Variants in APBA2 observed in about 807,000 individuals in gnomAD.
The protein encoded by APBA2 is amyloid beta precursor protein binding family A member 2.
A neutral mutation model predicts 75.0 loss-of-function variants in APBA2; 30 were observed. The ratio of observed to expected loss-of-function variants is 0.40; its 90% confidence interval spans 0.30 to 0.54. The LOEUF (loss-of-function observed/expected upper bound fraction) is 0.54. Among genes scored for constraint, APBA2 ranks in the 20% least tolerant of loss-of-function variants. The pLI, the probability that APBA2 is intolerant of heterozygous loss-of-function variation, is 0.49. For synonymous variants in APBA2, 444 were observed against 409.6 expected (o/e 1.08, Z -1.01); for missense variants, 801 against 1,016.1 (o/e 0.79, Z 2.88).
At chr15:29,008,560 A>G (rs1404714140) in intron 3 of APBA2, among the ~76,000 whole-genome samples, 1 of 152,052 alleles carries the variant, frequency 6.6e-6, no homozygotes, top group Non-Finnish European at 1.5e-5. Flanking sequence ...CCATCTCTAC[A>G]TAGAATTAAA....
At chr15:28,966,346 T>C (rs1204750044) in intron 2 of APBA2, among the ~76,000 whole-genome samples, 2 of 152,194 alleles carry the variant, frequency 1.3e-5, no homozygotes, top group African/African-American at 4.8e-5. Context: ...TGGCAAGATT[T>C]GTTTTTGCTG....
intron 6 of APBA2, among the ~76,000 whole-genome samples, chr15:29,080,296 T>C (rs1424141104): frequency 6.6e-6 from 1 of 152,180 alleles, no homozygotes; most frequent in Non-Finnish European, 1.5e-5. Flanking sequence ...CAGTCTGGAA[T>C]CTGAGCTCAT....
At chr15:29,059,847 T>G (rs1240212568) in intron 4 of APBA2, among the ~76,000 whole-genome samples, 1 of 152,214 alleles carries the variant, frequency 6.6e-6, no homozygotes, top group African/African-American at 2.4e-5. Flanking sequence ...GCTGCAAAGT[T>G]TTTCCCTTCT....
intron 6 of APBA2, among the ~76,000 whole-genome samples, chr15:29,082,446 C>T (rs2152934331): frequency 6.6e-6 from 1 of 152,290 alleles, no homozygotes; most frequent in East Asian, 1.9e-4. Context: ...TAACTACAGA[C>T]ATTTACTCAT....
chr15:29,059,764 G>A (rs2042052791), intron 4 of APBA2, among the ~76,000 whole-genome samples: 1 of 152,136 alleles, frequency 6.6e-6, no homozygotes, highest in Non-Finnish European at 1.5e-5. Flanking sequence ...AGTGCTCAGG[G>A]CAGCTTTACA....
chr15:29,031,226 G>C (rs1049245422), intron 3 of APBA2, among the ~76,000 whole-genome samples: 1 of 152,190 alleles, frequency 6.6e-6, no homozygotes, highest in Non-Finnish European at 1.5e-5. Flanking sequence ...TTTTTCAACA[G>C]ATGGACTAAA....
chr15:28,966,098 C>CTT (rs58795912), intron 2 of APBA2, among the ~76,000 whole-genome samples: 5 of 151,538 alleles, frequency 3.3e-5, no homozygotes, highest in Non-Finnish European at 5.9e-5. Context: ...TTTATTAAGG[C>CTT]TTTTTTTTGT....
chr15:29,062,534 C>T (rs975953166), intron 4 of APBA2, among the ~76,000 whole-genome samples: 3 of 152,114 alleles, frequency 2.0e-5, no homozygotes, highest in African/African-American at 7.2e-5. Context: ...TTGTATGAAG[C>T]CTTTTGATGT....
At position 28,927,402 on chromosome 15, in the gene APBA2, G is replaced by C. The variant is rs920729720; in HGVS notation, c.-95+5653G>C. 3.3e-5 allele frequency among the ~76,000 whole-genome samples: 5 copies of C among 151,574 alleles called. No homozygotes were observed. The South Asian group carries it at 1.0e-3, about 32-fold the overall frequency. ...TATTTGGTGTTCTTTGAGCCTCCAT[G>C]GTCTGTGGCTTGGATCTGTCATTAA... is the stretch of plus-strand genomic sequence containing the variant. On this transcript the variant is annotated intron_variant, in intron 2 of 14. Coordinates refer to ENST00000683413, the MANE Select transcript of APBA2 (RefSeq NM_001353788.2).
intron 1 of APBA2, among the ~76,000 whole-genome samples, chr15:28,901,945 T>TGTGTGTGTGTG (rs546149569): frequency 2.1e-3 from 297 of 140,612 alleles, no homozygotes; most frequent in Non-Finnish European, 2.7e-3. Context: ...TGTGTGTATG[T>TGTGTGTGTGTG]TGGGGGTCTG....
At chr15:29,115,151 T>C (rs1385051494) in intron 14 of APBA2, among the ~76,000 whole-genome samples, 2 of 149,362 alleles carry the variant, frequency 1.3e-5, no homozygotes, top group Non-Finnish European at 3.0e-5. Context: ...GGGCAGGGAA[T>C]TTGGGTCTGG....
At chr15:28,976,419 G>A (rs967345482) in intron 2 of APBA2, among the ~76,000 whole-genome samples, 2 of 152,174 alleles carry the variant, frequency 1.3e-5, no homozygotes, top group African/African-American at 2.4e-5. Flanking sequence ...CCTTCTTGTA[G>A]GGCCATCTCT....
intron 4 of APBA2, among the ~76,000 whole-genome samples, chr15:29,064,871 G>C (rs1006735861): frequency 2.0e-5 from 3 of 152,188 alleles, no homozygotes; most frequent in Admixed American, 1.3e-4. Flanking sequence ...GTGGCCACCT[G>C]TTGGCGGGGT....
chr15:28,983,767 G>A (rs1295914884), intron 2 of APBA2, among the ~76,000 whole-genome samples: 1 of 152,208 alleles, frequency 6.6e-6, no homozygotes, highest in Non-Finnish European at 1.5e-5. Context: ...AGTAGCCCAA[G>A]ACAGAACATT....
chr15:28,932,907 A>G, intron 2 of APBA2, among the ~76,000 whole-genome samples: 1 of 152,096 alleles, frequency 6.6e-6, no homozygotes, highest in East Asian at 1.9e-4. Flanking sequence ...AATACCACAG[A>G]TTGGGTAATT....
chr15:28,914,904 C>T (rs1211959784), intron 1 of APBA2, among the ~76,000 whole-genome samples: 1 of 151,820 alleles, frequency 6.6e-6, no homozygotes, highest in African/African-American at 2.4e-5. Context: ...CTGCAGTGCA[C>T]AGGTGTGCAT....
intron 3 of APBA2, among the ~76,000 whole-genome samples, chr15:29,047,567 C>A (rs75420169): frequency 0.025 from 3,743 of 152,194 alleles, 172 homozygotes; most frequent in African/African-American, 0.087. Context: ...GTTTTTGGGG[C>A]CTCCCTGATC....
intron 3 of APBA2, among the ~76,000 whole-genome samples, chr15:29,006,581 G>A (rs1178462895): frequency 6.6e-6 from 1 of 152,178 alleles, no homozygotes; most frequent in African/African-American, 2.4e-5. Flanking sequence ...TGGCTGGGGA[G>A]GCCTGACAAT....
At chr15:29,103,873 C>T (rs2044261478) in intron 10 of APBA2, among the ~76,000 whole-genome samples, 1 of 152,234 alleles carries the variant, frequency 6.6e-6, no homozygotes, top group Non-Finnish European at 1.5e-5. Context: ...GCCCCCGGCC[C>T]TCCTGCCGAG....
Sources: gnomAD v4.1 joint callset for allele counts (sites outside exome capture counted in the v4.1 genomes callset) on GRCh38, gnomAD v4.1.1 for gene constraint, MANE v1.5 for transcripts, NCBI Gene and HGNC (gene_info 2026-07-23, HGNC 2026-07-21) for gene names.